The following MYPN variants were observed in gnomAD, a reference collection of about 807,000 sequenced individuals.
MYPN encodes sarcomeric protein myopalladin, 145 kDa (MYOP).
MYPN carries 63 observed loss-of-function variants against 129.4 expected under a neutral mutation model. That is an observed-to-expected ratio of 0.49 (90% CI 0.40 to 0.60). The LOEUF (loss-of-function observed/expected upper bound fraction) is 0.60. Ranked by LOEUF, MYPN falls within the 20% of genes least tolerant of loss-of-function variation. The pLI, the probability that MYPN is intolerant of heterozygous loss-of-function variation, is 0.00. For missense variants in MYPN, 1,596 were observed against 1,635.4 expected, an observed-to-expected ratio of 0.98 and a Z score of 0.42; for synonymous variants, 629 against 600.9, an observed-to-expected ratio of 1.05 and a Z score of -0.68.
At chr10:68,161,242 T>C (rs1271109926) in intron 7 of MYPN, among the ~76,000 whole-genome samples, 1 of 152,186 alleles carries the variant, frequency 6.6e-6, no homozygotes, top group African/African-American at 2.4e-5. Flanking sequence ...CTGCCTGTAA[T>C]CCCAGCACTT....
intron 1 of MYPN, among the ~76,000 whole-genome samples, chr10:68,095,948 A>G (rs1298534892): frequency 5.9e-5 from 9 of 152,246 alleles, no homozygotes; most frequent in Admixed American, 3.3e-4. Context: ...AAAATCCAGA[A>G]TGGAAAAAAA....
At chr10:68,175,570 AG>A (rs2043215422) in intron 12 of MYPN, 109 bp downstream of exon 12, 3 of 1,225,250 alleles carry the variant, frequency 2.4e-6, no homozygotes. Context: ...CTGATGTTGC[AG>A]CTCAGATGGT....
chr10:68,208,258 A>G (rs2043849462), intron 19 of MYPN, among the ~76,000 whole-genome samples: 1 of 152,172 alleles, frequency 6.6e-6, no homozygotes, highest in Admixed American at 6.6e-5. Flanking sequence ...AGCTCTGTCT[A>G]TTACCTGATA....
intron 2 of MYPN, chr10:68,136,638 A>G: frequency 1.3e-6 from 2 of 1,534,340 alleles, no homozygotes; most frequent in Non-Finnish European, 1.7e-6. Flanking sequence ...GTAAGGACAA[A>G]AACACTTCTG....
chr10:68,161,647 A>T, intron 7 of MYPN, 82 bp from the exon 8 acceptor site: 1 of 1,134,154 alleles, frequency 8.8e-7, no homozygotes, highest in Non-Finnish European at 1.3e-6. Context: ...AGAGACTGTG[A>T]AATTCTATAG....
intron 10 of MYPN, among the ~76,000 whole-genome samples, chr10:68,173,539 A>C (rs976377160): frequency 1.3e-5 from 2 of 151,756 alleles, no homozygotes; most frequent in African/African-American, 4.8e-5. Context: ...ATTTCTTGCC[A>C]CTCTGGTTGT....
intron 2 of MYPN, among the ~76,000 whole-genome samples, chr10:68,142,607 A>C (rs534640911): frequency 1.1e-4 from 16 of 152,346 alleles, no homozygotes; most frequent in African/African-American, 3.8e-4. Flanking sequence ...CTTAATGCAT[A>C]TGATAGGAAT....
At chr10:68,208,869 G>C (rs1223603470) in intron 19 of MYPN, among the ~76,000 whole-genome samples, 2 of 152,142 alleles carry the variant, frequency 1.3e-5, no homozygotes, top group Non-Finnish European at 1.5e-5. Flanking sequence ...CCTAGGAAAT[G>C]CAGTAGTCCA....
chr10:68,102,261 A>T (rs1384183665), upstream of MYPN, among the ~76,000 whole-genome samples: 1 of 151,184 alleles, frequency 6.6e-6, no homozygotes, highest in African/African-American at 2.4e-5. Flanking sequence ...GGTAGCTGGT[A>T]CTACAGGCAC....
chr10:68,120,572 T>C (rs1015587045), intron 1 of MYPN, among the ~76,000 whole-genome samples: 3 of 152,310 alleles, frequency 2.0e-5, no homozygotes, highest in East Asian at 3.9e-4. Flanking sequence ...AATAACAACA[T>C]TGAATTTAAA....
At position 68,188,156 on chromosome 10, in the gene MYPN, C is replaced by T. The variant is rs889244879; in HGVS notation, c.2704-749C>T. Among the ~76,000 whole-genome samples the T allele has an allele frequency of 3.9e-5, 6 of 152,158 alleles. No homozygotes were observed. In the East Asian group the frequency reaches 5.8e-4, roughly 15 times the overall value. ...ACAGAGTTGTGCTCTGTTGCCCAGG[C>T]TGAATTGCAGTGGCATGATCTCAGC... On this transcript the variant is annotated intron_variant, in intron 12 of 19. Coordinates refer to ENST00000358913, the MANE Select transcript of MYPN (RefSeq NM_032578.4).
In MYPN at chr10:68,166,580, G is replaced by A. The variant is rs1253237224; in HGVS notation, c.1887G>A (p.Gln629=). 1.9e-6 allele frequency: 3 copies of A among 1,614,146 alleles called. No homozygotes were observed. Among genetic ancestry groups the A allele is most frequent in the Non-Finnish European group, 2.5e-6 (3 of 1,180,010 alleles). Residue 629 remains glutamine (Q), a synonymous_variant, in exon 10 of 20, where the codon CAG becomes CAA. Transcript: ENST00000358913. ...TTRQTRPDSF[Q]ERFNGQATKT... ...GACAGACCAGGCCCGATTCTTTCCA[G>A]GAGAGGTTCAACGGACAGGCAACAA...
chr10:68,108,808 A>G (rs2042043304), upstream of MYPN, among the ~76,000 whole-genome samples: 1 of 151,382 alleles, frequency 6.6e-6, no homozygotes. Context: ...CGCAACCTCT[A>G]CCTCCCCGGT....
intron 1 of MYPN, among the ~76,000 whole-genome samples, chr10:68,119,384 A>ATTTT (rs775167611): frequency 0.03 from 3,283 of 111,232 alleles, 131 homozygotes; most frequent in African/African-American, 0.098. Context: ...TTTGCATTTT[A>ATTTT]TTTTATTTAT....
chr10:68,138,660 C>T (rs1394468097), intron 2 of MYPN, among the ~76,000 whole-genome samples: 2 of 152,180 alleles, frequency 1.3e-5, no homozygotes, highest in African/African-American at 4.8e-5. Flanking sequence ...CTGTGATATG[C>T]TTCTACTGCT....
rs373439318 is a variant in MYPN at position 68,201,905 on chromosome 10, A to G, written c.3570A>G (p.Arg1190=). Residue 1190 remains arginine (R), a synonymous_variant, in exon 18 of 20, where the codon AGA becomes AGG. Coordinates refer to ENST00000358913, the MANE Select transcript of MYPN (RefSeq NM_032578.4). The part of the protein sequence containing the change: ...NCGVPEGHPV[R]LECRVIGMPP... ...GTGTTCCCGAAGGCCACCCCGTGAG[A>G]CTGGAGTGCCGCGTGATAGGCATGC... 5 of 1,614,016 alleles carry G rather than the reference A, an allele frequency of 3.1e-6. No individual in the cohort carries two copies. Among genetic ancestry groups the G allele is most frequent in the Non-Finnish European group, 4.2e-6 (5 of 1,180,028 alleles).
Position 68,166,698 on chromosome 10 carries a change from C to A in MYPN, c.1973+32C>A, listed in dbSNP as rs1296254158. ...AAAAAGTAGGATGAATAACCAGGAG[C>A]TTCTGTGATCTTTTCTTGAATCTGA... On this transcript the variant is annotated intron_variant, in intron 10 of 19. Coordinates refer to ENST00000358913, the MANE Select transcript of MYPN (RefSeq NM_032578.4). The A allele has an allele frequency of 1.9e-6, 3 of 1,612,080 alleles. No homozygotes were observed. In the African/African-American group the frequency reaches 4.0e-5, roughly 22 times the overall value.
At position 68,210,344 on chromosome 10, in the gene MYPN, C is replaced by G; in HGVS notation, c.3852C>G (p.Tyr1284Ter). Reference sequence around the variant, plus strand: ...CTGTCCGGCCCAGTGGCAGTCGCTACGGATCTCTCACCAGTAAAGGACTTG... The same window carrying G: ...CTGTCCGGCCCAGTGGCAGTCGCTAGGGATCTCTCACCAGTAAAGGACTTG... ...PMSVRPSGSRYGSLTSKGLDI... is the reference protein window; with the variant it reads ...PMSVRPSGSR The change falls in exon 20 of 20, where the codon TAC (tyrosine) becomes TAG (stop). Residue 1284 changes from tyrosine to a stop codon, truncating the protein, a stop_gained. Coordinates refer to ENST00000358913, the MANE Select transcript of MYPN (RefSeq NM_032578.4). LOFTEE classifies it high-confidence loss of function. 1 of 1,614,112 alleles carries G rather than the reference C, an allele frequency of 6.2e-7. No individual in the cohort carries two copies. Among genetic ancestry groups the G allele is most frequent in the East Asian group, 2.2e-5 (1 of 44,884 alleles).
upstream of MYPN, among the ~76,000 whole-genome samples, chr10:68,103,687 T>C (rs1439615710): frequency 6.6e-6 from 1 of 152,182 alleles, no homozygotes; most frequent in Non-Finnish European, 1.5e-5. Context: ...TGGTGGCTCA[T>C]GCCTGTAATT....
Sources: allele counts gnomAD v4.1 joint callset (sites outside exome capture counted in the v4.1 genomes callset), GRCh38; gene constraint gnomAD v4.1.1; transcripts MANE v1.5; gene names NCBI Gene and HGNC (gene_info 2026-07-23, HGNC 2026-07-21).